LRRC9: variants seen among roughly 807,000 people sequenced by gnomAD.
The protein encoded by LRRC9 is leucine rich repeat containing 9, also known as leucine-rich repeat-containing protein 9.
Under a neutral mutation model 63.2 loss-of-function variants are expected in LRRC9, and 122 were observed. The observed-to-expected ratio is 1.93, with a 90% CI of 1.67 to 2.24. The LOEUF is 2.24. Ranked by LOEUF, LRRC9 falls within the 30% of genes most tolerant of loss-of-function variation. The probability of loss-of-function intolerance (pLI) is 0.00; values close to 1 mark genes in which losing one functional copy is unlikely to be tolerated. For synonymous variants in LRRC9, 366 were observed against 213.1 expected (o/e 1.72, Z -6.25); for missense variants, 1,071 against 627.7 (o/e 1.71, Z -7.55).
intron 6 of LRRC9, among the ~76,000 whole-genome samples, chr14:59,937,407 C>G (rs1890228624): frequency 6.6e-6 from 1 of 151,874 alleles, no homozygotes; most frequent in Non-Finnish European, 1.5e-5. Flanking sequence ...AAATCCATAC[C>G]AAAACTAAGC....
At chr14:60,021,831 C>T (rs2140290415) in intron 26 of LRRC9, among the ~76,000 whole-genome samples, 2 of 151,912 alleles carry the variant, frequency 1.3e-5, no homozygotes, top group South Asian at 4.1e-4. Context: ...CAGTTCTGTT[C>T]CATTGATCTG....
At chr14:59,963,015 C>T (rs914569611) in intron 10 of LRRC9, among the ~76,000 whole-genome samples, 1 of 152,110 alleles carries the variant, frequency 6.6e-6, no homozygotes, top group Non-Finnish European at 1.5e-5. Context: ...TTCCTCTGAT[C>T]TTTTATGTAT....
rs868798759 is a variant in LRRC9 at position 59,989,302 on chromosome 14, T to G, written c.2211+4078T>G. Among the ~76,000 whole-genome samples the G allele has an allele frequency of 7.0e-4, 106 of 152,104 alleles. 1 individual carries two copies. The highest frequency in any genetic ancestry group is 2.4e-3 in the African/African-American group (101 of 41,454). Reference sequence around the variant, plus strand: ...CTCCCATTATCCATATGTGAAATCTTCTTTATCATCAGTATTTGTCACTTT... The same window carrying G: ...CTCCCATTATCCATATGTGAAATCTGCTTTATCATCAGTATTTGTCACTTT... On this transcript the variant is annotated intron_variant, in intron 17 of 31. Coordinates refer to ENST00000445360, the Ensembl canonical transcript of LRRC9.
intron 1 of LRRC9, among the ~76,000 whole-genome samples, chr14:59,926,709 G>C (rs931056061): frequency 2.0e-5 from 3 of 152,022 alleles, no homozygotes; most frequent in Admixed American, 2.0e-4. Context: ...CTCATTATGA[G>C]TATTACTCAT....
At chr14:59,975,190 G>A (rs866544448) in intron 13 of LRRC9, among the ~76,000 whole-genome samples, 871 of 79,874 alleles carry the variant, frequency 0.011, 17 homozygotes, top group African/African-American at 0.021. Context: ...CTACACACAC[G>A]AACACCAAAT....
chr14:59,922,669 A>T lies in LRRC9; in HGVS notation c.-34+2786A>T, dbSNP rs1251470320. ...GAAAGAAAAATACGTCTTTGAGAGG[A>T]GGGAAATAAGAAACATACATTTGAT... On this transcript the variant is annotated intron_variant, in intron 1 of 31. Transcript: ENST00000445360. The surrounding 1 kb of genome is among the most constrained non-coding windows in gnomAD (Gnocchi z 5.3). Among the ~76,000 whole-genome samples, 2 of 152,176 alleles carry T rather than the reference A, an allele frequency of 1.3e-5. No homozygotes were observed. Among genetic ancestry groups the T allele is most frequent in the East Asian group, 3.8e-4 (2 of 5,202 alleles).
At chr14:60,050,592 C>T (rs1408475703) in intron 29 of LRRC9, among the ~76,000 whole-genome samples, 2 of 152,116 alleles carry the variant, frequency 1.3e-5, no homozygotes, top group African/African-American at 4.8e-5. Flanking sequence ...CAGCCTCTGC[C>T]CTGTTCTGTG....
At chr14:59,971,342 G>GGA (rs1885475878) in intron 12 of LRRC9, among the ~76,000 whole-genome samples, 1 of 152,036 alleles carries the variant, frequency 6.6e-6, no homozygotes, top group East Asian at 1.9e-4. Flanking sequence ...GACCTGTAGT[G>GGA]TAGTTTGAAG....
intron 8 of LRRC9, among the ~76,000 whole-genome samples, chr14:59,946,491 TC>T (rs1444124796): frequency 6.6e-6 from 1 of 151,000 alleles, no homozygotes; most frequent in African/African-American, 2.4e-5. Context: ...TAATCTATTT[TC>T]TTTTTTTTTG....
At chr14:60,046,246 C>G (rs1045266999) in intron 29 of LRRC9, among the ~76,000 whole-genome samples, 1 of 152,180 alleles carries the variant, frequency 6.6e-6, no homozygotes. Flanking sequence ...ATGATAGTTT[C>G]TTTCGCCATG....
At chr14:59,944,360 TCA>T (rs1882112690) in intron 7 of LRRC9, among the ~76,000 whole-genome samples, 1 of 151,902 alleles carries the variant, frequency 6.6e-6, no homozygotes, top group Non-Finnish European at 1.5e-5. Flanking sequence ...TGAATACGCC[TCA>T]CACTTTATGC....
intron 17 of LRRC9, among the ~76,000 whole-genome samples, chr14:59,995,009 A>AAT (rs386381507): frequency 0.12 from 2,063 of 17,358 alleles, 60 homozygotes; most frequent in Admixed American, 0.15. Context: ...AAAGTATAAT[A>AAT]AAAAAAAAAG....
At chr14:60,025,411 TAAAAGATACACTGACATACAA>T (rs1891465495) in intron 27 of LRRC9, among the ~76,000 whole-genome samples, 1 of 151,978 alleles carries the variant, frequency 6.6e-6, no homozygotes, top group Non-Finnish European at 1.5e-5. Flanking sequence ...CCAGATATTT[TAAAAGATACACTGACATACAA>T]AAAAGCAGAC....
At chr14:60,005,113 A>G (rs756816453) in intron 21 of LRRC9, among the ~76,000 whole-genome samples, 1 of 152,138 alleles carries the variant, frequency 6.6e-6, no homozygotes, top group African/African-American at 2.4e-5. Flanking sequence ...TATAAAAGCA[A>G]GTATTAAATA....
chr14:59,956,178 G>A (rs1385323883), intron 8 of LRRC9, among the ~76,000 whole-genome samples: 1 of 152,012 alleles, frequency 6.6e-6, no homozygotes. Flanking sequence ...CTAAGTTCAA[G>A]TCCTGAATAT....
intron 8 of LRRC9, among the ~76,000 whole-genome samples, chr14:59,952,676 T>C (rs952442518): frequency 7.2e-5 from 11 of 152,192 alleles, no homozygotes; most frequent in African/African-American, 2.7e-4. Flanking sequence ...AATTCTGGGA[T>C]ACATGTGCAA....
Position 59,964,328 on chromosome 14 carries a change from C to T in LRRC9, c.1212-2261C>T, listed in dbSNP as rs1041302762. Among the ~76,000 whole-genome samples, 2 of 152,162 alleles carry T rather than the reference C, an allele frequency of 1.3e-5. No homozygotes were observed. Among genetic ancestry groups the T allele is most frequent in the Non-Finnish European group, 2.9e-5 (2 of 68,032 alleles). On this transcript the variant is annotated intron_variant, in intron 10 of 31. Coordinates refer to ENST00000445360, the Ensembl canonical transcript of LRRC9. The surrounding 1 kb of genome is among the most constrained non-coding windows in gnomAD (Gnocchi z 4.4). ...TTTTAAAGTCAGCTGAACTGTGTAC[C>T]GCACTGCTCTTGAAGCAAACGCAGT...
chr14:60,008,299 A>C, intron 23 of LRRC9, 85 bp downstream of exon 23: 2 of 546,214 alleles, frequency 3.7e-6, no homozygotes, highest in Non-Finnish European at 3.2e-6. Context: ...ACATTGCTTT[A>C]TCACTAGCAT....
At chr14:59,953,985 A>G (rs115222231) in intron 8 of LRRC9, among the ~76,000 whole-genome samples, 2,176 of 152,214 alleles carry the variant, frequency 0.014, 53 homozygotes, top group East Asian at 0.058. Context: ...ATGTGGTGCT[A>G]TTTCTGAGGT....
Sources: gnomAD v4.1 joint callset for allele counts (sites outside exome capture counted in the v4.1 genomes callset) on GRCh38, gnomAD v4.1.1 for gene constraint, Gnocchi (gnomAD v3.1) non-coding constraint, MANE v1.5 for transcripts, NCBI Gene and HGNC (gene_info 2026-07-23, HGNC 2026-07-21) for gene names.